The following ANKFN1 variants were observed in gnomAD, a reference collection of about 807,000 sequenced individuals.
The protein encoded by ANKFN1 is ankyrin repeat and fibronectin type-III domain-containing protein 1.
A neutral mutation model predicts 108.7 loss-of-function variants in ANKFN1; 74 were observed. That is an observed-to-expected ratio of 0.68 (90% CI 0.56 to 0.83). The LOEUF (loss-of-function observed/expected upper bound fraction) is 0.83. ANKFN1 is among the 40% of genes least tolerant of loss of function. The pLI is 0.00. For synonymous variants in ANKFN1, 547 were observed against 516.2 expected (o/e 1.06, Z -0.81); for missense variants, 1,505 against 1,382.3 (o/e 1.09, Z -1.41).
chr17:56,469,324 G>T (rs1207690140), intron 15 of ANKFN1, among the ~76,000 whole-genome samples: 1 of 151,540 alleles, frequency 6.6e-6, no homozygotes, highest in African/African-American at 2.4e-5. Flanking sequence ...ATGAGGGCTG[G>T]TATCCAATCC....
At chr17:56,193,471 CAAA>C (rs1039415492) in intron 1 of ANKFN1, among the ~76,000 whole-genome samples, 1 of 88,290 alleles carries the variant, frequency 1.1e-5, no homozygotes, top group African/African-American at 4.2e-5. Flanking sequence ...TAAAAAAAAA[CAAA>C]AAAAATACAG....
intron 1 of ANKFN1, among the ~76,000 whole-genome samples, chr17:56,209,072 C>T (rs1318076560): frequency 2.6e-5 from 4 of 152,036 alleles, no homozygotes; most frequent in African/African-American, 7.2e-5. Flanking sequence ...ATCCTCCAAC[C>T]TAGTCTCTAA....
At chr17:56,384,956 T>C (rs1356899182) in intron 8 of ANKFN1, among the ~76,000 whole-genome samples, 4 of 151,496 alleles carry the variant, frequency 2.6e-5, no homozygotes, top group Admixed American at 6.6e-5. Context: ...CTTCACAGAA[T>C]TGGAAAAAAC....
At chr17:56,507,770 C>T (rs1295478180) in intron 20 of ANKFN1, among the ~76,000 whole-genome samples, 1 of 152,208 alleles carries the variant, frequency 6.6e-6, no homozygotes, top group Non-Finnish European at 1.5e-5. Flanking sequence ...ACACTTGTCC[C>T]TAAAACTATC....
chr17:56,417,513 G>A (rs1445023132), intron 8 of ANKFN1, among the ~76,000 whole-genome samples: 1 of 152,198 alleles, frequency 6.6e-6, no homozygotes, highest in Non-Finnish European at 1.5e-5. Flanking sequence ...TATATGTGTG[G>A]TACAAGTCCC....
chr17:56,226,273 G>C (rs113476775), intron 2 of ANKFN1, among the ~76,000 whole-genome samples: 1 of 151,964 alleles, frequency 6.6e-6, no homozygotes, highest in African/African-American at 2.4e-5. Flanking sequence ...AGATCTTGTC[G>C]GGTCAAACTA....
rs1463481855 is a variant in ANKFN1 at position 56,514,264 on chromosome 17, C to T, written c.*2995C>T. ...ATATGTCTATCTCAATTCTAAGTCC[C>T]ATTGAGATCCAAAGAATCAAGTGTG... is the stretch of plus-strand genomic sequence containing the variant. On this transcript the variant is annotated 3_prime_UTR_variant, in exon 21 of 21. Transcript: ENST00000682825. 6.6e-6 allele frequency among the ~76,000 whole-genome samples: 1 copy of T among 152,134 alleles called. No individual in the cohort carries two copies. The highest frequency in any genetic ancestry group is 1.5e-5 in the Non-Finnish European group (1 of 68,024).
At chr17:56,100,131 C>T (rs1013992854) in intron 4 of ANKFN1, among the ~76,000 whole-genome samples, 7 of 152,220 alleles carry the variant, frequency 4.6e-5, no homozygotes, top group African/African-American at 1.7e-4. Flanking sequence ...ATTCAAGCCA[C>T]AATTCTGCTG....
At position 56,305,469 on chromosome 17, in the gene ANKFN1, C is replaced by A. The variant is rs573575405; in HGVS notation, c.54-20752C>A. 7.8e-4 allele frequency among the ~76,000 whole-genome samples: 119 copies of A among 152,240 alleles called. 1 individual carries two copies. Among genetic ancestry groups the A allele is most frequent in the African/African-American group, 2.7e-3 (114 of 41,552 alleles). ...TCTTCAGTGAAATATCTCTTCATGT[C>A]TTTTGCCCATTTTCTCATTGGCATA... On this transcript the variant is annotated intron_variant, in intron 3 of 20. Coordinates refer to ENST00000682825, the MANE Select transcript of ANKFN1 (RefSeq NM_001370326.1).
intron 4 of ANKFN1, among the ~76,000 whole-genome samples, chr17:56,120,155 A>G (rs942862503): frequency 2.6e-5 from 4 of 152,300 alleles, no homozygotes; most frequent in Middle Eastern, 3.4e-3. Flanking sequence ...TTACTCAGCC[A>G]TATTTTTAAT....
At chr17:56,488,451 G>A (rs2050926917) in intron 18 of ANKFN1, among the ~76,000 whole-genome samples, 1 of 152,154 alleles carries the variant, frequency 6.6e-6, no homozygotes, top group Non-Finnish European at 1.5e-5. Context: ...GGAGGAACAG[G>A]TTTAGGGCAG....
intron 3 of ANKFN1, among the ~76,000 whole-genome samples, chr17:56,280,007 TC>T (rs2044030750): frequency 7.0e-6 from 1 of 142,350 alleles, no homozygotes; most frequent in African/African-American, 2.8e-5. Context: ...CCACATAATG[TC>T]TTTTTTTTTT....
chr17:56,429,093 TG>T (rs1162761287), intron 8 of ANKFN1, among the ~76,000 whole-genome samples: 1 of 152,000 alleles, frequency 6.6e-6, no homozygotes, highest in Non-Finnish European at 1.5e-5. Context: ...TTGTATACAG[TG>T]GGGTAAAAAC....
chr17:56,341,166 T>G (rs1043044777), intron 4 of ANKFN1, among the ~76,000 whole-genome samples: 1 of 152,132 alleles, frequency 6.6e-6, no homozygotes, highest in East Asian at 1.9e-4. Context: ...ATCCTGAGAC[T>G]TTGCTAAAGT....
chr17:56,153,527 C>G lies in ANKFN1; in HGVS notation c.-74C>G. 6 of 1,614,078 alleles carry G rather than the reference C, an allele frequency of 3.7e-6. No individual in the cohort carries two copies. Among genetic ancestry groups the G allele is most frequent in the Non-Finnish European group, 5.1e-6 (6 of 1,179,908 alleles). On this transcript the variant is annotated 5_prime_UTR_variant, in exon 1 of 21. Transcript: ENST00000682825. ...TGTCTCTCATGGAGGCGTCTCTAAC[C>G]AGGGTAGGAAAACAATAGTTCTAAA...
chr17:56,434,649 A>T (rs1439681384), intron 8 of ANKFN1, among the ~76,000 whole-genome samples: 1 of 152,138 alleles, frequency 6.6e-6, no homozygotes, highest in Non-Finnish European at 1.5e-5. Flanking sequence ...GAATTCCCAG[A>T]TCCAGAGTTT....
At chr17:56,220,844 G>A (rs1412259444) in intron 2 of ANKFN1, among the ~76,000 whole-genome samples, 4 of 89,218 alleles carry the variant, frequency 4.5e-5, no homozygotes, top group African/African-American at 2.6e-4. Context: ...GGAAGGGAGG[G>A]AGGGAGGAAG....
chr17:56,332,480 G>T (rs1202984015), intron 4 of ANKFN1, among the ~76,000 whole-genome samples: 1 of 151,986 alleles, frequency 6.6e-6, no homozygotes. Context: ...TGTGAAATAG[G>T]GATTGAGGGT....
chr17:56,331,994 A>G (rs551028648), intron 4 of ANKFN1, among the ~76,000 whole-genome samples: 3 of 152,222 alleles, frequency 2.0e-5, no homozygotes, highest in South Asian at 2.1e-4. Context: ...AGAACAGTCT[A>G]TAGCAAGCAA....
Sources: gnomAD v4.1 joint callset for allele counts (sites outside exome capture counted in the v4.1 genomes callset) on GRCh38, gnomAD v4.1.1 for gene constraint, MANE v1.5 for transcripts, NCBI Gene and HGNC (gene_info 2026-07-23, HGNC 2026-07-21) for gene names.